NRXN1: variants seen among roughly 807,000 people sequenced by gnomAD.
NRXN1 encodes neurexin-1.
NRXN1 carries 39 observed loss-of-function variants against 150.9 expected under a neutral mutation model. The observed-to-expected ratio is 0.26, with a 90% CI of 0.20 to 0.34. The LOEUF is 0.34. Ranked by LOEUF, NRXN1 falls within the 10% of genes least tolerant of loss-of-function variation. The probability of loss-of-function intolerance (pLI) is 1.00; values close to 1 mark genes in which losing one functional copy is unlikely to be tolerated. For missense variants in NRXN1, 1,815 were observed against 1,949.9 expected, an observed-to-expected ratio of 0.93 and a Z score of 1.30; for synonymous variants, 924 against 757.0, an observed-to-expected ratio of 1.22 and a Z score of -3.62.
chr2:50,990,012 AT>A (rs1447299782), intron 2 of NRXN1, among the ~76,000 whole-genome samples: 1 of 152,010 alleles, frequency 6.6e-6, no homozygotes, highest in Non-Finnish European at 1.5e-5. Flanking sequence ...AAAATTAGCC[AT>A]TCTAATAAAG....
chr2:50,299,275 T>C (rs964847141), intron 17 of NRXN1, among the ~76,000 whole-genome samples: 1 of 152,198 alleles, frequency 6.6e-6, no homozygotes, highest in Non-Finnish European at 1.5e-5. Flanking sequence ...CTGCTATATA[T>C]TGGCTCTAAT....
At chr2:50,597,368 C>T (rs1675415057) in intron 8 of NRXN1, among the ~76,000 whole-genome samples, 1 of 152,196 alleles carries the variant, frequency 6.6e-6, no homozygotes, top group Non-Finnish European at 1.5e-5. Context: ...AAGGTTCTAT[C>T]TCACCCTCTC....
intron 21 of NRXN1, among the ~76,000 whole-genome samples, chr2:49,997,186 G>T (rs1683142582): frequency 6.6e-6 from 1 of 152,022 alleles, no homozygotes; most frequent in Non-Finnish European, 1.5e-5. Flanking sequence ...GGAAATTCAT[G>T]CCTCCTGCTT....
intron 17 of NRXN1, among the ~76,000 whole-genome samples, chr2:50,438,119 A>T (rs2085608676): frequency 6.6e-6 from 1 of 152,188 alleles, no homozygotes; most frequent in African/African-American, 2.4e-5. Flanking sequence ...TTCTAGTAGA[A>T]TCAAAAAAAT....
chr2:50,172,798 C>T (rs2060110960), intron 18 of NRXN1, among the ~76,000 whole-genome samples: 2 of 152,042 alleles, frequency 1.3e-5, no homozygotes, highest in South Asian at 2.1e-4. Context: ...GAAACCCCGT[C>T]TCTACTAAAA....
intron 5 of NRXN1, among the ~76,000 whole-genome samples, chr2:50,909,732 G>C (rs1383337157): frequency 1.3e-5 from 2 of 151,924 alleles, no homozygotes; most frequent in African/African-American, 4.8e-5. Flanking sequence ...TGAAGGACAG[G>C]AAGGGATTAT....
At chr2:50,600,844 T>A (rs890964314) in intron 8 of NRXN1, among the ~76,000 whole-genome samples, 3 of 152,116 alleles carry the variant, frequency 2.0e-5, no homozygotes, top group African/African-American at 7.2e-5. Context: ...TCATTAAAGC[T>A]CTGGTATGAA....
intron 18 of NRXN1, chr2:50,207,726 A>T (rs141003858): frequency 4.2e-5 from 7 of 168,254 alleles, no homozygotes; most frequent in Non-Finnish European, 1.0e-4. Flanking sequence ...ACAAAATATG[A>T]TCGGCTTTAG....
At chr2:50,058,536 A>G (rs1693990101) in intron 19 of NRXN1, among the ~76,000 whole-genome samples, 1 of 152,074 alleles carries the variant, frequency 6.6e-6, no homozygotes, top group Non-Finnish European at 1.5e-5. Flanking sequence ...TTCTCCTACT[A>G]GAATAAAAAA....
intron 8 of NRXN1, among the ~76,000 whole-genome samples, chr2:50,572,801 G>A (rs566555867): frequency 5.9e-5 from 9 of 152,254 alleles, no homozygotes; most frequent in South Asian, 4.1e-4. Flanking sequence ...TTGTATTCAA[G>A]ATTATTTATT....
intron 17 of NRXN1, among the ~76,000 whole-genome samples, chr2:50,342,812 A>G (rs1389432099): frequency 6.6e-6 from 1 of 152,230 alleles, no homozygotes; most frequent in African/African-American, 2.4e-5. Flanking sequence ...GCTCTGGGCT[A>G]TGGGCCATAG....
chr2:50,126,149 C>T (rs1704554058), intron 18 of NRXN1, among the ~76,000 whole-genome samples: 2 of 152,028 alleles, frequency 1.3e-5, no homozygotes, highest in South Asian at 4.1e-4. Flanking sequence ...AAACATACAC[C>T]CTTTTCGGCA....
chr2:50,962,048 T>C (rs1693282418), intron 2 of NRXN1, among the ~76,000 whole-genome samples: 1 of 151,674 alleles, frequency 6.6e-6, no homozygotes. Flanking sequence ...AAAATTGCAT[T>C]TTACCTTAAA....
At position 50,261,417 on chromosome 2, in the gene NRXN1, T is replaced by C. The variant is rs565612207; in HGVS notation, c.3365-24447A>G. Among the ~76,000 whole-genome samples the C allele has an allele frequency of 1.4e-4, 22 of 151,982 alleles. 1 individual carries two copies. Among genetic ancestry groups the C allele is most frequent in the African/African-American group, 5.3e-4 (22 of 41,548 alleles). ...AGGTGACACAATGAAAGCTCTGTTA[T>C]GATTCTTTTGAAAGCAGCAAGATTA... On this transcript the variant is annotated intron_variant, in intron 17 of 22. Coordinates refer to ENST00000401669, the MANE Select transcript of NRXN1 (RefSeq NM_001330078.2).
At chr2:50,509,006 GGGGTTGCTGA>G (rs756526184) in intron 12 of NRXN1, among the ~76,000 whole-genome samples, 1 of 152,086 alleles carries the variant, frequency 6.6e-6, no homozygotes, top group Non-Finnish European at 1.5e-5. Context: ...AAAGAAGTTG[GGGGTTGCTGA>G]GTGCTTATTA....
At chr2:50,228,493 T>G (rs1197629860) in intron 18 of NRXN1, among the ~76,000 whole-genome samples, 3 of 152,044 alleles carry the variant, frequency 2.0e-5, no homozygotes, top group African/African-American at 7.2e-5. Flanking sequence ...GTGGTAAGTT[T>G]CAGTCGCCTG....
chr2:50,825,533 T>C (rs976428980), intron 5 of NRXN1, among the ~76,000 whole-genome samples: 1 of 152,240 alleles, frequency 6.6e-6, no homozygotes, highest in Non-Finnish European at 1.5e-5. Flanking sequence ...GTCAGGGAGC[T>C]TCCTGACAGC....
Position 51,027,569 on chromosome 2 carries a change from G to C in NRXN1, c.705C>G (p.Ser235=), listed in dbSNP as rs1344122059. 3.1e-6 allele frequency: 5 copies of C among 1,602,196 alleles called. No homozygotes were observed. The highest frequency in any genetic ancestry group is 1.3e-5 in the African/African-American group (1 of 74,768). Residue 235 remains serine (S), a synonymous_variant, in exon 2 of 23, where the codon TCC becomes TCG. Coordinates refer to ENST00000401669, the MANE Select transcript of NRXN1 (RefSeq NM_001330078.2). The part of the protein sequence containing the change: ...GGVCLNGGVC[S]VVDDQAVCDC... ...CGCACACGGCCTGGTCGTCCACCAC[G>C]GAGCACACACCTCCGTTGAGGCACA...
intron 5 of NRXN1, among the ~76,000 whole-genome samples, chr2:50,745,436 A>G (rs1574325606): frequency 9.6e-6 from 1 of 104,396 alleles, no homozygotes; most frequent in African/African-American, 3.8e-5. Flanking sequence ...TTCTCTTTCC[A>G]TTGAGAAAAC....
Sources: allele counts gnomAD v4.1 joint callset (sites outside exome capture counted in the v4.1 genomes callset), GRCh38; gene constraint gnomAD v4.1.1; transcripts MANE v1.5; gene names NCBI Gene and HGNC (gene_info 2026-07-23, HGNC 2026-07-21).